The following ARHGEF3 variants were observed in gnomAD, a reference collection of about 807,000 sequenced individuals.
ARHGEF3 encodes the protein 59.8 kDA protein.
Under a neutral mutation model 63.2 loss-of-function variants are expected in ARHGEF3, and 28 were observed. That is an observed-to-expected ratio of 0.44 (90% CI 0.33 to 0.61). The LOEUF is 0.61. ARHGEF3 is among the 20% of genes least tolerant of loss of function. The probability of loss-of-function intolerance (pLI) is 0.03; values close to 1 mark genes in which losing one functional copy is unlikely to be tolerated. For missense variants in ARHGEF3, 533 were observed against 659.3 expected (o/e 0.81, Z 2.10); for synonymous variants, 266 against 254.2 (o/e 1.05, Z -0.44).
At chr3:57,024,064 T>G (rs1406880836) in intron 2 of ARHGEF3, among the ~76,000 whole-genome samples, 2 of 152,148 alleles carry the variant, frequency 1.3e-5, no homozygotes, top group Non-Finnish European at 2.9e-5. Context: ...GGCACCCCAA[T>G]GCACCCTTCA....
At chr3:56,851,369 T>C (rs2039669671) in intron 4 of ARHGEF3, among the ~76,000 whole-genome samples, 1 of 152,176 alleles carries the variant, frequency 6.6e-6, no homozygotes, top group South Asian at 2.1e-4. Context: ...CTCTCCAGTC[T>C]TTCCTTCAAT....
intron 2 of ARHGEF3, among the ~76,000 whole-genome samples, chr3:56,969,582 C>T (rs1005791357): frequency 6.6e-6 from 1 of 151,826 alleles, no homozygotes; most frequent in African/African-American, 2.4e-5. Context: ...ACCATCCTGG[C>T]CAACATGGTG....
At chr3:56,926,799 T>A (rs1006490820) in intron 3 of ARHGEF3, among the ~76,000 whole-genome samples, 2 of 152,218 alleles carry the variant, frequency 1.3e-5, no homozygotes, top group African/African-American at 4.8e-5. Flanking sequence ...AAAAGCTGAT[T>A]TTTATTTTTT....
intron 2 of ARHGEF3, among the ~76,000 whole-genome samples, chr3:57,013,520 G>A (rs1251586748): frequency 6.6e-6 from 1 of 152,206 alleles, no homozygotes; most frequent in Non-Finnish European, 1.5e-5. Context: ...TCAGCATTCT[G>A]TGTCTAGCTA....
At chr3:56,950,843 A>G (rs1195806105) in intron 3 of ARHGEF3, among the ~76,000 whole-genome samples, 7 of 152,002 alleles carry the variant, frequency 4.6e-5, no homozygotes, top group African/African-American at 7.3e-5. Flanking sequence ...TGTTTATTGC[A>G]GCACTATTCA....
chr3:56,971,790 C>T (rs996286257), intron 2 of ARHGEF3, among the ~76,000 whole-genome samples: 2 of 151,910 alleles, frequency 1.3e-5, no homozygotes, highest in Non-Finnish European at 2.9e-5. Flanking sequence ...GGAGGTGGAG[C>T]TTGCAGTGAG....
At position 56,878,893 on chromosome 3, in the gene ARHGEF3, T is replaced by C. The variant is rs1321764412; in HGVS notation, c.192+3399A>G. On this transcript the variant is annotated intron_variant, in intron 4 of 12. Coordinates refer to the ARHGEF3 transcript ENST00000338458. ...TCTGTATTTATAGCCACTCTCCATC[T>C]TTCTCATTACCGCCTGAGTTCCACC... Among the ~76,000 whole-genome samples the C allele has an allele frequency of 2.6e-5, 4 of 152,362 alleles. No homozygotes were observed. The East Asian group carries it at 7.7e-4, about 29-fold the overall frequency.
intron 2 of ARHGEF3, among the ~76,000 whole-genome samples, chr3:56,768,692 TGAC>T (rs1315187226): frequency 6.5e-5 from 9 of 139,158 alleles, no homozygotes; most frequent in African/African-American, 1.3e-4. Flanking sequence ...AAGAAGAAGA[TGAC>T]GACAAAATCC....
chr3:56,881,608 C>T (rs1032440368), intron 4 of ARHGEF3, among the ~76,000 whole-genome samples: 2 of 151,960 alleles, frequency 1.3e-5, no homozygotes, highest in Non-Finnish European at 2.9e-5. Flanking sequence ...AGTCAACTAC[C>T]AAGACACTTG....
Position 56,883,694 on chromosome 3 carries a change from A to C in ARHGEF3, c.130-1340T>G, listed in dbSNP as rs116683500. On this transcript the variant is annotated intron_variant, in intron 3 of 12. Transcript: ENST00000338458. ...TCTCTTCTGCACCCCCAGCTCAACC[A>C]ATCAGTCAAGTGTTTCTTCAGTCCC... Among the ~76,000 whole-genome samples, 1,049 of 152,298 alleles carry C rather than the reference A, an allele frequency of 6.9e-3. 8 individuals are homozygous for C. The highest frequency in any genetic ancestry group is 0.024 in the African/African-American group (1,008 of 41,554).
rs1203430822 is a variant in ARHGEF3, at chr3:56,759,554, A to G, written c.205-4403T>C. 7.3e-5 allele frequency among the ~76,000 whole-genome samples: 11 copies of G among 151,456 alleles called. No individual in the cohort carries two copies. The East Asian group carries it at 2.0e-3, about 27-fold the overall frequency. ...CTTTTTCGTTGTTGTTTTTTTGGAG[A>G]TGGGTCTTGCTCTGTTGCCCATACT... On this transcript the variant is annotated intron_variant, in intron 2 of 9. Transcript: ENST00000296315.
intron 2 of ARHGEF3, among the ~76,000 whole-genome samples, chr3:56,961,625 T>C (rs1700284494): frequency 8.4e-6 from 1 of 119,244 alleles, no homozygotes; most frequent in African/African-American, 2.7e-5. Context: ...TAAGTGTCCC[T>C]GTCAGCTGGA....
At chr3:56,915,177 G>C (rs1339074944) in intron 3 of ARHGEF3, among the ~76,000 whole-genome samples, 1 of 152,116 alleles carries the variant, frequency 6.6e-6, no homozygotes, top group African/African-American at 2.4e-5. Flanking sequence ...TGGCAGGCCA[G>C]GTGCAGTGGC....
At chr3:56,768,768 C>T (rs993725230) in intron 2 of ARHGEF3, among the ~76,000 whole-genome samples, 1 of 152,120 alleles carries the variant, frequency 6.6e-6, no homozygotes, top group Admixed American at 6.5e-5. Flanking sequence ...GTGCAACTCC[C>T]CCAGGAGGCT....
chr3:56,958,055 C>T (rs1356025412), intron 3 of ARHGEF3, among the ~76,000 whole-genome samples: 2 of 152,094 alleles, frequency 1.3e-5, no homozygotes, highest in African/African-American at 4.8e-5. Flanking sequence ...TTTATGATTC[C>T]TAAAATCTGT....
chr3:56,878,811 C>T (rs1458638265), intron 4 of ARHGEF3, among the ~76,000 whole-genome samples: 10 of 152,190 alleles, frequency 6.6e-5, no homozygotes, highest in African/African-American at 2.4e-4. Flanking sequence ...TTCTATAGGG[C>T]CACGGAATCA....
intron 1 of ARHGEF3, chr3:57,073,855 G>A: frequency 6.2e-7 from 1 of 1,614,228 alleles, no homozygotes; most frequent in South Asian, 1.1e-5. Context: ...CTGGCATCAT[G>A]CCAGGGTCCA....
At chr3:56,993,131 G>A (rs1189600843) in intron 2 of ARHGEF3, among the ~76,000 whole-genome samples, 1 of 151,980 alleles carries the variant, frequency 6.6e-6, no homozygotes, top group Non-Finnish European at 1.5e-5. Flanking sequence ...TACCGCGCCT[G>A]GCCTCAAGGA....
intron 3 of ARHGEF3, among the ~76,000 whole-genome samples, chr3:56,919,888 C>T (rs926701679): frequency 6.6e-6 from 1 of 152,192 alleles, no homozygotes; most frequent in Non-Finnish European, 1.5e-5. Context: ...AGGAGTGGGG[C>T]CTAGCAAGCT....
Sources: allele counts gnomAD v4.1 joint callset (sites outside exome capture counted in the v4.1 genomes callset), GRCh38; gene constraint gnomAD v4.1.1; transcripts MANE v1.5; gene names NCBI Gene and HGNC (gene_info 2026-07-23, HGNC 2026-07-21).